Variants in ULK4 observed in about 807,000 individuals in gnomAD.
ULK4 encodes the protein unc-51 like kinase 4.
ULK4 carries 133 observed loss-of-function variants against 160.6 expected under a neutral mutation model. That is an observed-to-expected ratio of 0.83 (90% CI 0.72 to 0.96). The LOEUF is 0.96. Ranked by LOEUF, ULK4 falls within the 40% of genes least tolerant of loss-of-function variation. ULK4 has a pLI of 0.00. For missense variants in ULK4, 1,580 were observed against 1,499.5 expected (o/e 1.05, Z -0.89); for synonymous variants, 534 against 539.8 (o/e 0.99, Z 0.15).
At chr3:41,292,081 C>T (rs182637293) in intron 35 of ULK4, among the ~76,000 whole-genome samples, 168 of 152,208 alleles carry the variant, frequency 1.1e-3, no homozygotes, top group African/African-American at 4.0e-3. Context: ...AATCCGCCTG[C>T]CTCAGCCTCC....
At chr3:41,306,136 G>T (rs1349972217) in intron 35 of ULK4, among the ~76,000 whole-genome samples, 5 of 111,774 alleles carry the variant, frequency 4.5e-5, no homozygotes, top group Admixed American at 8.7e-5. Context: ...GGTGGGGGGG[G>T]GGGGTCAGCC....
intron 21 of ULK4, among the ~76,000 whole-genome samples, chr3:41,770,250 G>C (rs980252748): frequency 6.6e-6 from 1 of 151,998 alleles, no homozygotes; most frequent in Admixed American, 6.6e-5. Flanking sequence ...ATCTTCCACG[G>C]TGCTTCCAAA....
intron 32 of ULK4, among the ~76,000 whole-genome samples, chr3:41,480,005 A>C (rs2084265780): frequency 6.6e-6 from 1 of 152,130 alleles, no homozygotes; most frequent in African/African-American, 2.4e-5. Flanking sequence ...CAGGAGATCA[A>C]GACCATCCTG....
At chr3:41,828,378 A>T (rs537947993) in intron 18 of ULK4, among the ~76,000 whole-genome samples, 104 of 150,504 alleles carry the variant, frequency 6.9e-4, no homozygotes, top group African/African-American at 2.1e-3. Context: ...TACAGATGAC[A>T]TGATTGTATA....
intron 21 of ULK4, among the ~76,000 whole-genome samples, chr3:41,776,334 A>G (rs1052593824): frequency 2.0e-5 from 3 of 150,680 alleles, no homozygotes; most frequent in African/African-American, 7.5e-5. Context: ...CTAATCATTA[A>G]GAAAAGTTTC....
At chr3:41,699,994 C>G (rs981128225) in intron 27 of ULK4, among the ~76,000 whole-genome samples, 1 of 152,112 alleles carries the variant, frequency 6.6e-6, no homozygotes, top group Non-Finnish European at 1.5e-5. Context: ...GGTTATTGCT[C>G]ATTAGGCAAA....
intron 27 of ULK4, among the ~76,000 whole-genome samples, chr3:41,685,915 A>G (rs2036087986): frequency 6.6e-6 from 1 of 152,198 alleles, no homozygotes; most frequent in Non-Finnish European, 1.5e-5. Flanking sequence ...TAACATTTAT[A>G]TGTACCTACA....
intron 35 of ULK4, among the ~76,000 whole-genome samples, chr3:41,386,485 G>C (rs2081812406): frequency 6.6e-6 from 1 of 152,080 alleles, no homozygotes; most frequent in Admixed American, 6.6e-5. Flanking sequence ...TCAAAAGTCA[G>C]GCAGGAAAGA....
intron 31 of ULK4, among the ~76,000 whole-genome samples, chr3:41,605,626 G>A (rs1009264293): frequency 6.6e-6 from 1 of 151,896 alleles, no homozygotes; most frequent in Admixed American, 6.6e-5. Flanking sequence ...TCCAAAAGGG[G>A]AAATAGTCAA....
chr3:41,709,196 T>C (rs979343514), intron 25 of ULK4, among the ~76,000 whole-genome samples: 4 of 152,128 alleles, frequency 2.6e-5, no homozygotes, highest in Non-Finnish European at 5.9e-5. Context: ...GCATGAATTA[T>C]AATTTAAATA....
At position 41,581,626 on chromosome 3, in the gene ULK4, A is replaced by G. The variant is rs991242869; in HGVS notation, c.3121-15496T>C. On this transcript the variant is annotated intron_variant, in intron 31 of 36. Transcript: ENST00000301831. ...TTCTTTGACAATCTATATGAACAGC[A>G]GGCTAGGCCAGGCCCACCCCAGGTC... Among the ~76,000 whole-genome samples, 10 of 152,232 alleles carry G rather than the reference A, an allele frequency of 6.6e-5. 1 individual carries two copies. Among genetic ancestry groups the G allele is most frequent in the South Asian group, 4.1e-4 (2 of 4,836 alleles).
At chr3:41,690,885 GCAGGTAGT>G (rs2036275459) in intron 27 of ULK4, among the ~76,000 whole-genome samples, 1 of 151,856 alleles carries the variant, frequency 6.6e-6, no homozygotes, top group African/African-American at 2.4e-5. Context: ...TAATGTTATA[GCAGGTAGT>G]CAGGCAGACA....
intron 32 of ULK4, among the ~76,000 whole-genome samples, chr3:41,559,671 CTTCTT>C (rs1302804942): frequency 6.6e-6 from 1 of 152,124 alleles, no homozygotes; most frequent in Non-Finnish European, 1.5e-5. Context: ...GCATAAATGT[CTTCTT>C]TTGAGAAGTG....
intron 32 of ULK4, among the ~76,000 whole-genome samples, chr3:41,489,096 T>C (rs2084653010): frequency 6.6e-6 from 1 of 152,056 alleles, no homozygotes; most frequent in South Asian, 2.1e-4. Context: ...CAACTCTCCC[T>C]TTCATCTGTC....
intron 35 of ULK4, among the ~76,000 whole-genome samples, chr3:41,312,861 G>GT (rs1019953513): frequency 6.6e-6 from 1 of 152,114 alleles, no homozygotes; most frequent in African/African-American, 2.4e-5. Context: ...GGAATGCAGT[G>GT]TAAGTGGCCC....
intron 35 of ULK4, among the ~76,000 whole-genome samples, chr3:41,255,566 A>G (rs2078818927): frequency 6.6e-6 from 1 of 152,248 alleles, no homozygotes; most frequent in South Asian, 2.1e-4. Flanking sequence ...AACCCAAGAA[A>G]GTTGGCATAG....
chr3:41,844,704 G>C (rs1029433152), intron 17 of ULK4, among the ~76,000 whole-genome samples: 1 of 151,906 alleles, frequency 6.6e-6, no homozygotes, highest in African/African-American at 2.4e-5. Flanking sequence ...GGGCTGTGAG[G>C]GCTGCCAGCA....
At chr3:41,511,651 T>C (rs1271536226) in intron 32 of ULK4, among the ~76,000 whole-genome samples, 5 of 150,508 alleles carry the variant, frequency 3.3e-5, no homozygotes, top group East Asian at 1.9e-4. Flanking sequence ...AATTTAAAAA[T>C]TGCCAACAAC....
At chr3:41,512,078 A>G (rs2085597006) in intron 32 of ULK4, among the ~76,000 whole-genome samples, 1 of 152,184 alleles carries the variant, frequency 6.6e-6, no homozygotes, top group Admixed American at 6.5e-5. Context: ...AAAATCCAGC[A>G]CACTTCATGA....
Sources: allele counts gnomAD v4.1 joint callset (sites outside exome capture counted in the v4.1 genomes callset), GRCh38; gene constraint gnomAD v4.1.1; transcripts MANE v1.5; gene names NCBI Gene and HGNC (gene_info 2026-07-23, HGNC 2026-07-21).